Variants in ZNF438 observed in about 807,000 individuals in gnomAD.
ZNF438 encodes the protein zinc finger protein 438.
In ZNF438, 25 loss-of-function variants were observed where a neutral mutation model predicts 38.0. That is an observed-to-expected ratio of 0.66 (90% CI 0.48 to 0.92). The LOEUF is 0.92. Among genes scored for constraint, ZNF438 ranks in the 40% least tolerant of loss-of-function variants. The pLI is 0.00. For missense variants in ZNF438, 1,007 were observed against 999.6 expected, an observed-to-expected ratio of 1.01 and a Z score of -0.10; for synonymous variants, 372 against 364.1, an observed-to-expected ratio of 1.02 and a Z score of -0.25.
chr10:30,915,587 G>A (rs2043536117), intron 2 of ZNF438, among the ~76,000 whole-genome samples: 1 of 151,596 alleles, frequency 6.6e-6, no homozygotes, highest in Non-Finnish European at 1.5e-5. Flanking sequence ...TAATTTTCTC[G>A]GCAAGTTAAT....
chr10:30,878,603 C>G (rs1376164848), intron 3 of ZNF438, among the ~76,000 whole-genome samples: 1 of 152,192 alleles, frequency 6.6e-6, no homozygotes, highest in African/African-American at 2.4e-5. Flanking sequence ...GCCCTTTGCC[C>G]TTGCTGGTGG....
At chr10:30,998,671 T>G (rs946031973) in intron 1 of ZNF438, among the ~76,000 whole-genome samples, 5 of 151,736 alleles carry the variant, frequency 3.3e-5, no homozygotes, top group African/African-American at 1.2e-4. Context: ...TTTTTAAAGC[T>G]AGGTATTTTA....
chr10:30,959,175 T>C (rs2049188504), intron 1 of ZNF438, among the ~76,000 whole-genome samples: 1 of 147,218 alleles, frequency 6.8e-6, no homozygotes, highest in Non-Finnish European at 1.5e-5. Flanking sequence ...GGTCAAACAT[T>C]ATTCTCGACA....
chr10:30,877,977 TCA>T (rs1294293674), intron 3 of ZNF438, among the ~76,000 whole-genome samples: 1 of 152,174 alleles, frequency 6.6e-6, no homozygotes, highest in Admixed American at 6.5e-5. Context: ...GAGACCAGAT[TCA>T]TGCTTCTGCC....
At chr10:30,968,635 G>A (rs1329635287) in intron 1 of ZNF438, among the ~76,000 whole-genome samples, 2 of 151,678 alleles carry the variant, frequency 1.3e-5, no homozygotes, top group African/African-American at 4.8e-5. Flanking sequence ...TAGAGATGGG[G>A]TTTCTCCATG....
chr10:30,888,779 G>A (rs1229588623), intron 3 of ZNF438, among the ~76,000 whole-genome samples: 1 of 152,124 alleles, frequency 6.6e-6, no homozygotes, highest in African/African-American at 2.4e-5. Flanking sequence ...ACCACTGATG[G>A]GCATTTTAGG....
intron 2 of ZNF438, among the ~76,000 whole-genome samples, chr10:30,918,391 C>T (rs971921147): frequency 6.6e-6 from 1 of 152,096 alleles, no homozygotes; most frequent in Admixed American, 6.6e-5. Context: ...GTTTTCCAAC[C>T]ATATGGCATC....
chr10:30,967,679 G>T (rs959623476), intron 1 of ZNF438, among the ~76,000 whole-genome samples: 1 of 152,098 alleles, frequency 6.6e-6, no homozygotes, highest in African/African-American at 2.4e-5. Context: ...GATTTCTTCT[G>T]GGACTGCAAA....
At chr10:30,875,349 G>A (rs2038248552) in intron 4 of ZNF438, 1 of 985,250 alleles carries the variant, frequency 1.0e-6, no homozygotes, top group Non-Finnish European at 1.2e-6. Flanking sequence ...AGCCTGAAAG[G>A]AACACCTAGT....
At chr10:30,928,180 A>G (rs913956805) in intron 2 of ZNF438, among the ~76,000 whole-genome samples, 1 of 152,220 alleles carries the variant, frequency 6.6e-6, no homozygotes, top group African/African-American at 2.4e-5. Context: ...TTTACACACT[A>G]GAATTTAGAA....
intron 1 of ZNF438, among the ~76,000 whole-genome samples, chr10:30,965,238 A>G (rs932470025): frequency 1.3e-5 from 2 of 152,242 alleles, no homozygotes; most frequent in Non-Finnish European, 2.9e-5. Flanking sequence ...AAAATGAGAT[A>G]CCATCTCATG....
intron 2 of ZNF438, among the ~76,000 whole-genome samples, chr10:30,929,134 T>C (rs2045316123): frequency 6.6e-6 from 1 of 152,228 alleles, no homozygotes; most frequent in African/African-American, 2.4e-5. Context: ...GGCTTATGCC[T>C]GCAATCCCAG....
In ZNF438 at chr10:30,936,588, C is replaced by T. The variant is rs1589283895; in HGVS notation, c.-115+4987G>A. ...ACTCAAGAGGCTGAGGCAGGAGAAT[C>T]GCTTGAACCTGGGAGGCGGAGGTTA... On this transcript the variant is annotated intron_variant, in intron 2 of 5. Coordinates refer to ENST00000413025, the Ensembl canonical transcript of ZNF438. Among the ~76,000 whole-genome samples the T allele has an allele frequency of 2.6e-5, 4 of 152,252 alleles. No individual in the cohort carries two copies. In the Middle Eastern group the frequency reaches 0.014, roughly 518 times the overall value.
At position 30,935,625 on chromosome 10, in the gene ZNF438, T is replaced by G. The variant is rs545364040; in HGVS notation, c.-115+5950A>C. On this transcript the variant is annotated intron_variant, in intron 2 of 5. Coordinates refer to ENST00000413025, the Ensembl canonical transcript of ZNF438. ...ATGAGATTTGGAGAGTGTATTAGTC[T>G]GTTCTCACATTGCTATAAAGAAATA... Among the ~76,000 whole-genome samples the G allele has an allele frequency of 2.6e-5, 4 of 152,344 alleles. No homozygotes were observed. In the East Asian group the frequency reaches 7.7e-4, roughly 29 times the overall value.
At chr10:30,875,177 A>C (rs2133608624) in intron 4 of ZNF438, among the ~76,000 whole-genome samples, 1 of 152,268 alleles carries the variant, frequency 6.6e-6, no homozygotes, top group Non-Finnish European at 1.5e-5. Flanking sequence ...CGGTCAATGG[A>C]AGTATCCAAG....
intron 4 of ZNF438, among the ~76,000 whole-genome samples, chr10:30,861,492 T>C (rs2133160482): frequency 6.6e-6 from 1 of 152,230 alleles, no homozygotes; most frequent in Admixed American, 6.5e-5. Flanking sequence ...GCCAATTACC[T>C]AGAATACTAG....
intron 1 of ZNF438, among the ~76,000 whole-genome samples, chr10:30,950,605 G>A (rs1377304580): frequency 6.6e-6 from 1 of 150,858 alleles, no homozygotes; most frequent in Non-Finnish European, 1.5e-5. Flanking sequence ...TACCATCAGA[G>A]AATACTACAA....
chr10:31,028,294 A>G (rs2057070997), intron 1 of ZNF438, among the ~76,000 whole-genome samples: 1 of 152,218 alleles, frequency 6.6e-6, no homozygotes, highest in East Asian at 1.9e-4. Flanking sequence ...TGCAAGCTGC[A>G]ACATTTCAAG....
intron 1 of ZNF438, among the ~76,000 whole-genome samples, chr10:30,958,664 C>T (rs1224568458): frequency 6.8e-6 from 1 of 146,968 alleles, no homozygotes; most frequent in Non-Finnish European, 1.5e-5. Flanking sequence ...GCAATCATCA[C>T]TACAATCCAG....
Sources: allele counts gnomAD v4.1 joint callset (sites outside exome capture counted in the v4.1 genomes callset), GRCh38; gene constraint gnomAD v4.1.1; transcripts MANE v1.5; gene names NCBI Gene and HGNC (gene_info 2026-07-23, HGNC 2026-07-21).